Variants in TENM1 observed in about 807,000 individuals in gnomAD.
TENM1 encodes the protein teneurin transmembrane protein 1.
A neutral mutation model predicts 174.8 loss-of-function variants in TENM1; 35 were observed. That is an observed-to-expected ratio of 0.20 (90% CI 0.15 to 0.27). TENM1 has a LOEUF of 0.27. Among genes scored for constraint, TENM1 ranks in the 10% least tolerant of loss-of-function variants. The pLI is 1.00. For missense variants in TENM1, 1,633 were observed against 2,130.1 expected, an observed-to-expected ratio of 0.77 and a Z score of 4.59; for synonymous variants, 781 against 798.7, an observed-to-expected ratio of 0.98 and a Z score of 0.37.
At chrX:124,681,023 A>G (rs961161849) in intron 5 of TENM1, among the ~76,000 whole-genome samples, 2 of 111,814 alleles carry the variant, frequency 1.8e-5, no homozygotes, top group African/African-American at 6.5e-5. Context: ...TATTATTTAA[A>G]TTTTTAAAAT....
At chrX:124,642,827 T>G (rs758818240) in intron 10 of TENM1, among the ~76,000 whole-genome samples, 2 of 112,567 alleles carry the variant, frequency 1.8e-5, no homozygotes, top group African/African-American at 3.2e-5. Context: ...AAATTTCTAG[T>G]CTTTCTATAC....
intron 19 of TENM1, among the ~76,000 whole-genome samples, chrX:124,501,447 A>G (rs1450022889): frequency 1.8e-5 from 2 of 112,202 alleles, no homozygotes; most frequent in Admixed American, 9.4e-5. Context: ...TACCCATTGC[A>G]TAATGATTTT....
At chrX:124,855,168 C>T (rs1315651227) in intron 3 of TENM1, among the ~76,000 whole-genome samples, 6 of 111,533 alleles carry the variant, frequency 5.4e-5, no homozygotes, top group Admixed American at 9.6e-5. Flanking sequence ...GTCTGTGATA[C>T]TTTCATATGT....
chrX:124,564,336 A>G (rs1027719920), intron 12 of TENM1, among the ~76,000 whole-genome samples: 5 of 112,099 alleles, frequency 4.5e-5, no homozygotes, highest in Admixed American at 1.9e-4. Flanking sequence ...ATTATATGTT[A>G]TATGTATTAT....
intron 11 of TENM1, among the ~76,000 whole-genome samples, chrX:124,572,757 T>C (rs1290494924): frequency 1.8e-5 from 2 of 111,208 alleles, no homozygotes; most frequent in Non-Finnish European, 3.8e-5. Context: ...CGTACTTTTT[T>C]TTTCTAAATA....
chrX:124,400,042 T>A (rs184512862), intron 27 of TENM1, among the ~76,000 whole-genome samples: 202 of 111,631 alleles, frequency 1.8e-3, no homozygotes, highest in Non-Finnish European at 3.1e-3. Flanking sequence ...AAATCAATAC[T>A]GCCCAGTAGC....
chrX:124,843,052 C>A (rs759412375), intron 3 of TENM1, among the ~76,000 whole-genome samples: 4 of 110,919 alleles, frequency 3.6e-5, no homozygotes, highest in African/African-American at 6.6e-5. Flanking sequence ...TGAACAAACC[C>A]GCAGTGATGA....
the TENM1 span, among the ~76,000 whole-genome samples, chrX:125,187,829 CAT>C: frequency 1.8e-5 from 2 of 111,290 alleles, no homozygotes; most frequent in Non-Finnish European, 3.8e-5. Flanking sequence ...ATTTTATTCA[CAT>C]AGAAAGATGT....
At chrX:124,723,184 T>C (rs982277014) in intron 4 of TENM1, among the ~76,000 whole-genome samples, 48 of 112,101 alleles carry the variant, frequency 4.3e-4, no homozygotes, top group African/African-American at 1.5e-3. Flanking sequence ...TTTGTTTCCA[T>C]TTTCTTAGCT....
the TENM1 span, among the ~76,000 whole-genome samples, chrX:125,094,623 C>A: frequency 8.9e-6 from 1 of 111,864 alleles, no homozygotes; most frequent in Non-Finnish European, 1.9e-5. Flanking sequence ...CCCTACTTGT[C>A]CTACTTACAA....
chrX:124,581,845 GAGAAGTGTCTATTC>G (rs1424619867), intron 11 of TENM1, among the ~76,000 whole-genome samples: 1 of 111,790 alleles, frequency 8.9e-6, no homozygotes, highest in Admixed American at 9.5e-5. Flanking sequence ...GTCTTCTTTA[GAGAAGTGTCTATTC>G]ATATCTTTTG....
intron 3 of TENM1, among the ~76,000 whole-genome samples, chrX:124,767,526 A>G (rs945862350): frequency 8.9e-6 from 1 of 112,067 alleles, no homozygotes; most frequent in Non-Finnish European, 1.9e-5. Flanking sequence ...ACATGTGGTC[A>G]TAAGAATTTT....
the TENM1 span, among the ~76,000 whole-genome samples, chrX:125,060,262 A>G: frequency 1.8e-5 from 2 of 109,106 alleles, no homozygotes; most frequent in East Asian, 5.8e-4. Context: ...ACAAGATTCA[A>G]TTAGTGTCAG....
chrX:125,180,734 C>G, the TENM1 span, among the ~76,000 whole-genome samples: 1 of 110,519 alleles, frequency 9.0e-6, no homozygotes, highest in African/African-American at 3.3e-5. Context: ...ATATCTGTCT[C>G]CAGCATACTT....
intron 19 of TENM1, among the ~76,000 whole-genome samples, chrX:124,502,254 G>A (rs1007702984): frequency 9.4e-6 from 1 of 106,678 alleles, no homozygotes; most frequent in South Asian, 4.0e-4. Context: ...CTAATTACTG[G>A]TGAATTGGAG....
intron 5 of TENM1, among the ~76,000 whole-genome samples, chrX:124,672,551 C>T (rs1048504003): frequency 9.0e-6 from 1 of 111,294 alleles, no homozygotes; most frequent in African/African-American, 3.3e-5. Flanking sequence ...ATTAAATGAA[C>T]TTAAAATCTG....
intron 5 of TENM1, among the ~76,000 whole-genome samples, chrX:124,697,100 T>C (rs1487322735): frequency 9.0e-5 from 10 of 111,656 alleles, no homozygotes; most frequent in Non-Finnish European, 1.9e-4. Flanking sequence ...ATATATCTTT[T>C]CTTCCTGTTA....
intron 1 of TENM1, among the ~76,000 whole-genome samples, chrX:124,897,280 G>A (rs889682562): frequency 7.2e-5 from 8 of 111,711 alleles, no homozygotes; most frequent in Admixed American, 1.9e-4. Context: ...CATATCATCT[G>A]AAATGTCCAT....
chrX:124,446,700 CTT>C (rs2060968689), intron 23 of TENM1, among the ~76,000 whole-genome samples: 1 of 112,531 alleles, frequency 8.9e-6, no homozygotes, highest in Admixed American at 9.4e-5. Context: ...TAACAAGAAA[CTT>C]TAGAAATTTG....
Sources: allele counts gnomAD v4.1 joint callset (sites outside exome capture counted in the v4.1 genomes callset), GRCh38; gene constraint gnomAD v4.1.1; transcripts MANE v1.5; gene names NCBI Gene and HGNC (gene_info 2026-07-23, HGNC 2026-07-21).